HDAC9: variants seen among roughly 807,000 people sequenced by gnomAD.
The protein encoded by HDAC9 is histone deacetylase 9.
HDAC9 carries 41 observed loss-of-function variants against 139.4 expected under a neutral mutation model. The observed-to-expected ratio is 0.29, with a 90% confidence interval of 0.23 to 0.38. The LOEUF (loss-of-function observed/expected upper bound fraction) is 0.38, where lower values mean the gene tolerates loss of function less well. Among genes scored for constraint, HDAC9 ranks in the 10% least tolerant of loss-of-function variants. HDAC9 has a pLI of 1.00. For synonymous variants in HDAC9, 517 were observed against 476.2 expected, an observed-to-expected ratio of 1.09 and a Z score of -1.12; for missense variants, 1,147 against 1,297.0, an observed-to-expected ratio of 0.88 and a Z score of 1.78.
At chr7:18,116,860 ATAAATGTGCTAAATTTGATACAGT>A (rs1403264938) in intron 1 of HDAC9, among the ~76,000 whole-genome samples, 1 of 152,200 alleles carries the variant, frequency 6.6e-6, no homozygotes, top group Non-Finnish European at 1.5e-5. Flanking sequence ...CTCAGACTAA[ATAAATGTGCTAAATTTGATACAGT>A]GAGTGGGAAA....
intron 1 of HDAC9, among the ~76,000 whole-genome samples, chr7:18,442,792 G>A (rs1473010644): frequency 1.3e-5 from 2 of 152,054 alleles, no homozygotes; most frequent in Non-Finnish European, 2.9e-5. Context: ...TCAAGATAGC[G>A]CCTGGTTAAT....
At chr7:18,481,458 C>T (rs1446521236) in intron 1 of HDAC9, among the ~76,000 whole-genome samples, 3 of 152,142 alleles carry the variant, frequency 2.0e-5, no homozygotes, top group Non-Finnish European at 4.4e-5. Flanking sequence ...TTTTGGGTTA[C>T]TCAAATGGAT....
At chr7:18,451,177 C>T (rs886850036) in intron 1 of HDAC9, among the ~76,000 whole-genome samples, 1 of 152,092 alleles carries the variant, frequency 6.6e-6, no homozygotes, top group Non-Finnish European at 1.5e-5. Flanking sequence ...GCCCTTTCAT[C>T]ATGTGACGGC....
chr7:18,437,010 AC>A (rs1791263626), intron 1 of HDAC9, among the ~76,000 whole-genome samples: 1 of 152,162 alleles, frequency 6.6e-6, no homozygotes, highest in African/African-American at 2.4e-5. Flanking sequence ...TTCCCATGGG[AC>A]TGGGAGTTTT....
chr7:18,310,272 T>G (rs530874282), intron 1 of HDAC9, among the ~76,000 whole-genome samples: 2 of 152,220 alleles, frequency 1.3e-5, no homozygotes, highest in Admixed American at 6.5e-5. Context: ...GAGTTTTATG[T>G]TGGGCTCTGT....
intron 1 of HDAC9, among the ~76,000 whole-genome samples, chr7:18,148,068 T>G (rs1459844188): frequency 6.6e-6 from 1 of 152,232 alleles, no homozygotes; most frequent in Non-Finnish European, 1.5e-5. Context: ...GTGATTTTTC[T>G]CAAGAAGATG....
At chr7:18,260,683 C>T (rs1033391375) in intron 2 of HDAC9, 2 of 154,052 alleles carry the variant, frequency 1.3e-5, no homozygotes, top group Non-Finnish European at 2.9e-5. Context: ...CTCTTACTGT[C>T]TGTAGTGGAG....
At position 18,585,215 on chromosome 7, in the gene HDAC9, A is replaced by T. The variant is rs1417072798; in HGVS notation, c.23-66A>T. 6 of 1,547,224 alleles carry T rather than the reference A, an allele frequency of 3.9e-6. No homozygotes were observed. In the African/African-American group the frequency reaches 5.5e-5, roughly 14 times the overall value. ...ATACTTTTTATTTGTTTCCAAATCA[A>T]TGTGCTAATTTCCAATCTTCTATTA... is the stretch of plus-strand genomic sequence containing the variant. On this transcript the variant is annotated intron_variant, in intron 2 of 25. Transcript: ENST00000686413.
At chr7:18,315,765 G>T (rs189837907) in intron 1 of HDAC9, among the ~76,000 whole-genome samples, 1 of 152,250 alleles carries the variant, frequency 6.6e-6, no homozygotes, top group East Asian at 1.9e-4. Context: ...TCCTCTACCT[G>T]CTCAGTCTAA....
chr7:18,325,403 CA>C (rs1428876029), intron 1 of HDAC9: 2 of 152,004 alleles, frequency 1.3e-5, no homozygotes, highest in African/African-American at 4.8e-5. Flanking sequence ...TCAAGTTTAC[CA>C]TTACAAGTTA....
intron 22 of HDAC9, among the ~76,000 whole-genome samples, chr7:18,901,282 G>T (rs980729192): frequency 1.4e-5 from 2 of 147,154 alleles, no homozygotes; most frequent in African/African-American, 2.5e-5. Flanking sequence ...ATATAAAATT[G>T]TATGAATAAT....
intron 1 of HDAC9, among the ~76,000 whole-genome samples, chr7:18,158,791 TG>T (rs902573512): frequency 1.3e-5 from 2 of 152,226 alleles, no homozygotes; most frequent in Admixed American, 1.3e-4. Flanking sequence ...CTACGTATGA[TG>T]TTAAGGACAG....
At chr7:18,276,288 AG>A (rs1450136595) in intron 2 of HDAC9, among the ~76,000 whole-genome samples, 3 of 152,194 alleles carry the variant, frequency 2.0e-5, no homozygotes, top group African/African-American at 7.2e-5. Context: ...ATGAAGGAAA[AG>A]GCAAGAAAGA....
At chr7:18,846,486 T>C (rs1796913430) in intron 21 of HDAC9, among the ~76,000 whole-genome samples, 1 of 152,214 alleles carries the variant, frequency 6.6e-6, no homozygotes, top group Non-Finnish European at 1.5e-5. Context: ...TGTAAGCCCA[T>C]TATAGACTAT....
intron 1 of HDAC9, among the ~76,000 whole-genome samples, chr7:18,325,288 G>A (rs1800351169): frequency 6.6e-6 from 1 of 152,014 alleles, no homozygotes; most frequent in Non-Finnish European, 1.5e-5. Flanking sequence ...AAATATAACA[G>A]CAATGAATAA....
At chr7:18,539,784 G>A (rs939569131) in intron 2 of HDAC9, among the ~76,000 whole-genome samples, 10 of 151,982 alleles carry the variant, frequency 6.6e-5, no homozygotes, top group Non-Finnish European at 1.3e-4. Context: ...GATTTTAGGG[G>A]TGATGAGGCT....
chr7:18,929,314 C>G (rs948411910), intron 22 of HDAC9, among the ~76,000 whole-genome samples: 1 of 151,986 alleles, frequency 6.6e-6, no homozygotes, highest in Non-Finnish European at 1.5e-5. Flanking sequence ...TTATTTAATT[C>G]TATTTTTATA....
intron 1 of HDAC9, among the ~76,000 whole-genome samples, chr7:18,442,067 G>T (rs1169807904): frequency 1.3e-5 from 2 of 152,142 alleles, no homozygotes; most frequent in East Asian, 3.8e-4. Flanking sequence ...CCTGTGCCCG[G>T]CTGGGACTTA....
chr7:18,539,491 T>A (rs1158658755), intron 2 of HDAC9, among the ~76,000 whole-genome samples: 1 of 152,160 alleles, frequency 6.6e-6, no homozygotes, highest in Non-Finnish European at 1.5e-5. Context: ...ACTGATGAAA[T>A]TCAAATAAAA....
Sources: gnomAD v4.1 joint callset for allele counts (sites outside exome capture counted in the v4.1 genomes callset) on GRCh38, gnomAD v4.1.1 for gene constraint, MANE v1.5 for transcripts, NCBI Gene and HGNC (gene_info 2026-07-23, HGNC 2026-07-21) for gene names.